The following CREM variants were observed in gnomAD, a reference collection of about 807,000 sequenced individuals.
CREM encodes the protein cAMP-responsive element modulator.
Under a neutral mutation model 37.3 loss-of-function variants are expected in CREM, and 13 were observed. That is an observed-to-expected ratio of 0.35 (90% confidence interval 0.23 to 0.55). The LOEUF is 0.55. CREM is among the 20% of genes least tolerant of loss of function. CREM has a pLI of 0.88. For synonymous variants in CREM, 124 were observed against 120.2 expected, an observed-to-expected ratio of 1.03 and a Z score of -0.21; for missense variants, 296 against 362.3, an observed-to-expected ratio of 0.82 and a Z score of 1.49.
intron 1 of CREM, among the ~76,000 whole-genome samples, chr10:35,131,243 A>T (rs966644979): frequency 2.0e-5 from 3 of 152,246 alleles, no homozygotes; most frequent in African/African-American, 7.2e-5. Flanking sequence ...AATCCTGTGA[A>T]CGTTTAAGAG....
chr10:35,129,763 TA>T (rs531606822), intron 1 of CREM, among the ~76,000 whole-genome samples: 128 of 152,368 alleles, frequency 8.4e-4, no homozygotes, highest in African/African-American at 2.9e-3. Flanking sequence ...CATTGATTGA[TA>T]AGGAAATAAG....
At chr10:35,158,967 A>G (rs2093120393) in intron 3 of CREM, among the ~76,000 whole-genome samples, 1 of 151,928 alleles carries the variant, frequency 6.6e-6, no homozygotes, top group South Asian at 2.1e-4. Flanking sequence ...CTTAGATCTA[A>G]TTAAACAAAA....
chr10:35,148,650 A>G (rs547288161), intron 3 of CREM, 159 bp downstream of exon 3: 1 of 802,224 alleles, frequency 1.2e-6, no homozygotes, highest in South Asian at 2.1e-5. Context: ...TGTTGTAATT[A>G]GCCTTGCATT....
chr10:35,165,828 G>C (rs922172328), intron 3 of CREM, among the ~76,000 whole-genome samples: 2 of 151,536 alleles, frequency 1.3e-5, no homozygotes, highest in South Asian at 4.2e-4. Flanking sequence ...AAAAAAAAAA[G>C]TTTAGCTAGG....
intron 3 of CREM, among the ~76,000 whole-genome samples, chr10:35,159,514 C>G (rs1011052108): frequency 1.3e-5 from 2 of 152,080 alleles, no homozygotes; most frequent in South Asian, 2.1e-4. Context: ...GTTGGGAAAA[C>G]TAGATATTTA....
intron 2 of CREM, 50 bp from the exon 3 acceptor site, chr10:35,148,318 A>C (rs1479381341): frequency 7.7e-6 from 12 of 1,552,666 alleles, no homozygotes; most frequent in South Asian, 1.2e-5. Flanking sequence ...TGTATTTCCA[A>C]ATACTTAAGA....
intron 2 of CREM, among the ~76,000 whole-genome samples, chr10:35,142,471 G>T (rs2091561181): frequency 6.6e-6 from 1 of 152,162 alleles, no homozygotes; most frequent in Admixed American, 6.6e-5. Flanking sequence ...ATTGAATGCA[G>T]TCAGTATAGA....
chr10:35,175,007 C>T (rs1240648250), intron 3 of CREM, among the ~76,000 whole-genome samples: 2 of 152,216 alleles, frequency 1.3e-5, no homozygotes, highest in African/African-American at 4.8e-5. Context: ...ACACCAGGGG[C>T]TTGAAAGGTC....
chr10:35,127,573 G>T (rs1225869097), intron 1 of CREM: 1 of 152,504 alleles, frequency 6.6e-6, no homozygotes, highest in Non-Finnish European at 1.5e-5. Context: ...CAGAAGTAAG[G>T]ACCTCGGATT....
Position 35,127,071 on chromosome 10 carries a change from C to T in CREM, c.-177C>T, listed in dbSNP as rs904173619. ...AGCTGACGTGAGGACTACGTGGGGC[C>T]GCTGCCGGCTCCGGGTTGCTGGGCG... On this transcript the variant is annotated 5_prime_UTR_variant, in exon 1 of 8. Coordinates refer to ENST00000685392, the MANE Select transcript of CREM (RefSeq NM_183011.2). 2 of 152,722 alleles carry T rather than the reference C, an allele frequency of 1.3e-5. No homozygotes were observed. Among genetic ancestry groups the T allele is most frequent in the East Asian group, 3.8e-4 (2 of 5,244 alleles). 9.5% of individuals were successfully genotyped at this position (152,722 alleles called of 1,614,324 possible).
At chr10:35,211,198 C>T (rs918102294) in intron 7 of CREM, 56 bp from the exon 8 acceptor site, 2 of 1,587,488 alleles carry the variant, frequency 1.3e-6, no homozygotes, top group African/African-American at 2.7e-5. Context: ...CACTGACCCA[C>T]TGTGGATTGT....
Position 35,211,928 on chromosome 10 carries a change from T to C in CREM, c.*530T>C. ...CATCTTCTTCTTTAATCACTTAACA[T>C]TCCTAAAATGCTTCACTGTACGTAG... On this transcript the variant is annotated 3_prime_UTR_variant, in exon 8 of 8. Coordinates refer to ENST00000685392, the MANE Select transcript of CREM (RefSeq NM_183011.2). The C allele has an allele frequency of 1.0e-6, 1 of 980,376 alleles. No individual in the cohort carries two copies. The allele number at this position is 980,376 out of a possible 1,614,324, so 60.7% of individuals were successfully genotyped here.
At chr10:35,189,923 A>G (rs1461124881) in intron 6 of CREM, among the ~76,000 whole-genome samples, 1 of 152,226 alleles carries the variant, frequency 6.6e-6, no homozygotes, top group African/African-American at 2.4e-5. Context: ...AATGTGGACT[A>G]TGGTAAAAGT....
intron 1 of CREM, among the ~76,000 whole-genome samples, chr10:35,137,509 T>C (rs2090745943): frequency 6.6e-6 from 1 of 152,178 alleles, no homozygotes; most frequent in South Asian, 2.1e-4. Context: ...AAATAGTTTA[T>C]CATTTAAGTT....
rs530114917 is a variant in CREM, at chr10:35,165,448, C to T, written c.169-13441C>T. On this transcript the variant is annotated intron_variant, in intron 3 of 7. Transcript: ENST00000685392. The stretch of plus-strand genomic sequence containing the variant: ...GCGGATAAGCATCCAAACTGTATCA[C>T]GTTTTGTCAAAATGATTCTGATTTT... Among the ~76,000 whole-genome samples the T allele has an allele frequency of 2.3e-4, 35 of 152,220 alleles. No individual in the cohort carries two copies. The South Asian group carries it at 4.6e-3, about 20-fold the overall frequency.
intron 7 of CREM, among the ~76,000 whole-genome samples, chr10:35,209,822 T>C (rs900806754): frequency 2.6e-5 from 4 of 152,338 alleles, no homozygotes; most frequent in African/African-American, 9.6e-5. Context: ...ACTTTTCCAA[T>C]TGCATCATTT....
intron 3 of CREM, among the ~76,000 whole-genome samples, chr10:35,169,709 G>T (rs1013282934): frequency 1.3e-5 from 2 of 152,106 alleles, no homozygotes; most frequent in African/African-American, 4.8e-5. Flanking sequence ...TGCCCATTCA[G>T]TATGATATTG....
chr10:35,160,403 G>A (rs1001307092), intron 3 of CREM, among the ~76,000 whole-genome samples: 3 of 148,838 alleles, frequency 2.0e-5, no homozygotes, highest in Non-Finnish European at 3.0e-5. Flanking sequence ...CACTACTGTA[G>A]ACTGTCTTTT....
At chr10:35,147,981 G>A (rs1213386) in intron 2 of CREM, among the ~76,000 whole-genome samples, 53,174 of 152,036 alleles carry the variant, frequency 0.35, 11,291 homozygotes, top group Middle Eastern at 0.48. Context: ...TACAGGTTGA[G>A]TATCCCTTAT....
Sources: gnomAD v4.1 joint callset for allele counts (sites outside exome capture counted in the v4.1 genomes callset) on GRCh38, gnomAD v4.1.1 for gene constraint, MANE v1.5 for transcripts, NCBI Gene and HGNC (gene_info 2026-07-23, HGNC 2026-07-21) for gene names.